MED12L: variants seen among roughly 807,000 people sequenced by gnomAD.
The protein encoded by MED12L is mediator of RNA polymerase II transcription subunit 12-like protein.
A neutral mutation model predicts 281.3 loss-of-function variants in MED12L; 60 were observed. The ratio of observed to expected loss-of-function variants is 0.21; its 90% CI spans 0.17 to 0.26. The LOEUF (loss-of-function observed/expected upper bound fraction) is 0.26. Ranked by LOEUF, MED12L falls within the 10% of genes least tolerant of loss-of-function variation. The pLI is 1.00. For missense variants in MED12L, 2,146 were observed against 2,680.9 expected (o/e 0.80, Z 4.41); for synonymous variants, 974 against 987.2 (o/e 0.99, Z 0.25).
In MED12L at chr3:151,385,067, A is replaced by G. The variant is rs776930517; in HGVS notation, c.4964A>G (p.Lys1655Arg). The stretch of plus-strand genomic sequence containing the variant: ...GACAAGCGATCAGAAAGTATTGACA[A>G]AGTTCGACAGTTACTACCTTTGCCG... ...LGDKRSESIDKVRQLLPLPKQ... is the reference protein window; with the variant it reads ...LGDKRSESIDRVRQLLPLPKQ... The change falls in exon 36 of 45, where the codon AAA (lysine) becomes AGA (arginine). Residue 1655 changes from lysine (K) to arginine (R), a missense_variant. Lys to Arg is a conservative substitution (Grantham distance 26, BLOSUM62 2). Transcript: ENST00000687756. The G allele has an allele frequency of 1.9e-6, 3 of 1,608,558 alleles. No homozygotes were observed. Among genetic ancestry groups the G allele is most frequent in the Admixed American group, 1.7e-5 (1 of 59,694 alleles).
chr3:151,294,294 A>G (rs1335339622), intron 16 of MED12L: 2 of 1,614,046 alleles, frequency 1.2e-6, no homozygotes, highest in Non-Finnish European at 1.7e-6. Context: ...AATGACCTAC[A>G]CATGAAAAAG....
chr3:151,170,211 G>A (rs1721248997), intron 11 of MED12L, among the ~76,000 whole-genome samples: 2 of 152,040 alleles, frequency 1.3e-5, no homozygotes, highest in African/African-American at 4.8e-5. Flanking sequence ...ACATTGGGGT[G>A]TGCCAGGCTA....
chr3:151,422,491 C>T (rs1718364238), intron 43 of MED12L, among the ~76,000 whole-genome samples: 3 of 152,158 alleles, frequency 2.0e-5, no homozygotes, highest in South Asian at 2.1e-4. Flanking sequence ...CCTCCACCTT[C>T]GCAGGCATTC....
intron 16 of MED12L, among the ~76,000 whole-genome samples, chr3:151,227,221 T>G (rs1730696489): frequency 1.3e-5 from 2 of 152,250 alleles, no homozygotes; most frequent in South Asian, 4.1e-4. Context: ...AGTTTTCACA[T>G]TAGAAATATC....
intron 2 of MED12L, among the ~76,000 whole-genome samples, chr3:151,094,287 C>G (rs1720442672): frequency 6.6e-6 from 1 of 152,180 alleles, no homozygotes; most frequent in South Asian, 2.1e-4. Context: ...CTCAGGGCTT[C>G]TAGACTAGGC....
chr3:151,188,310 C>T, intron 12 of MED12L, 44 bp from the exon 13 acceptor site: 2 of 1,506,866 alleles, frequency 1.3e-6, no homozygotes, highest in Middle Eastern at 1.7e-4. Flanking sequence ...TCTGTTATGA[C>T]TATACTTCTG....
intron 16 of MED12L, chr3:151,198,664 A>G (rs368697502): frequency 1.2e-6 from 2 of 1,614,160 alleles, no homozygotes; most frequent in Non-Finnish European, 1.7e-6. Flanking sequence ...GGATTCGGAC[A>G]ATGTGGTAAG....
chr3:151,380,669 C>T (rs1393821500), intron 32 of MED12L, among the ~76,000 whole-genome samples: 1 of 151,636 alleles, frequency 6.6e-6, no homozygotes, highest in Non-Finnish European at 1.5e-5. Context: ...CAATCCATGC[C>T]TTATTCTTCT....
chr3:151,138,291 T>A (rs1251389395), intron 5 of MED12L, among the ~76,000 whole-genome samples: 1 of 152,144 alleles, frequency 6.6e-6, no homozygotes, highest in African/African-American at 2.4e-5. Context: ...GTCCCTTGTT[T>A]TTATTTCAAA....
At chr3:151,425,823 G>A (rs941255348) in intron 43 of MED12L, 2 of 443,588 alleles carry the variant, frequency 4.5e-6, no homozygotes, top group African/African-American at 4.0e-5. Flanking sequence ...CAAAAGCAGT[G>A]ATTCACTCTT....
At chr3:151,126,802 C>T (rs150752031) in intron 4 of MED12L, among the ~76,000 whole-genome samples, 1 of 152,130 alleles carries the variant, frequency 6.6e-6, no homozygotes, top group Non-Finnish European at 1.5e-5. Context: ...AATTTTGATT[C>T]ATGTAATTGT....
At chr3:151,377,630 G>A (rs564161061) in intron 30 of MED12L, among the ~76,000 whole-genome samples, 3 of 152,220 alleles carry the variant, frequency 2.0e-5, no homozygotes, top group African/African-American at 2.4e-5. Flanking sequence ...TATAACTAGC[G>A]AATTTTAAAC....
In MED12L at chr3:151,348,776, A is replaced by T. The variant is rs1453962207; in HGVS notation, c.2251-1283A>T. On this transcript the variant is annotated intron_variant, in intron 16 of 44. Coordinates refer to ENST00000687756, the MANE Select transcript of MED12L (RefSeq NM_001393769.1). ...CAAAGACTGAGAGCCAAGTAACAGA[A>T]TTGGAGAGAGAAAAACAGGCGCTTA... 2.0e-5 allele frequency among the ~76,000 whole-genome samples: 3 copies of T among 152,236 alleles called. No individual in the cohort carries two copies. In the East Asian group the frequency reaches 5.8e-4, roughly 29 times the overall value.
chr3:151,148,706 A>G (rs1718067333), intron 5 of MED12L, among the ~76,000 whole-genome samples: 1 of 152,186 alleles, frequency 6.6e-6, no homozygotes, highest in African/African-American at 2.4e-5. Context: ...AAAAAAAACA[A>G]TCTCTGTTGC....
At chr3:151,417,718 CTT>C (rs984934672) in intron 43 of MED12L, among the ~76,000 whole-genome samples, 2 of 152,182 alleles carry the variant, frequency 1.3e-5, no homozygotes, top group African/African-American at 4.8e-5. Context: ...GATCCACCCA[CTT>C]TGGCCTCCCA....
At chr3:151,179,033 A>G (rs1306477425) in intron 11 of MED12L, among the ~76,000 whole-genome samples, 1 of 152,190 alleles carries the variant, frequency 6.6e-6, no homozygotes, top group Non-Finnish European at 1.5e-5. Context: ...ATACTGTAGA[A>G]AACCTATTCT....
At chr3:151,399,643 CAG>C (rs1204420678) in intron 39 of MED12L, among the ~76,000 whole-genome samples, 1 of 152,164 alleles carries the variant, frequency 6.6e-6, no homozygotes, top group Non-Finnish European at 1.5e-5. Context: ...AGAACTATCA[CAG>C]AATATAGAAT....
intron 16 of MED12L, among the ~76,000 whole-genome samples, chr3:151,211,450 C>T (rs547429729): frequency 2.6e-4 from 38 of 146,076 alleles, no homozygotes; most frequent in African/African-American, 9.4e-4. Context: ...GCTTAGTTTA[C>T]CAAGCACATT....
At chr3:151,360,920 C>A (rs186288450) in intron 21 of MED12L, among the ~76,000 whole-genome samples, 1 of 152,092 alleles carries the variant, frequency 6.6e-6, no homozygotes, top group East Asian at 1.9e-4. Flanking sequence ...ATATGTTGTA[C>A]AGACAGTGCA....
Sources: gnomAD v4.1 joint callset for allele counts (sites outside exome capture counted in the v4.1 genomes callset) on GRCh38, gnomAD v4.1.1 for gene constraint, MANE v1.5 for transcripts, NCBI Gene and HGNC (gene_info 2026-07-23, HGNC 2026-07-21) for gene names.